Variants in EXOC4 observed in about 807,000 individuals in gnomAD.
EXOC4 encodes SEC8-like 1.
EXOC4 carries 71 observed loss-of-function variants against 107.2 expected under a neutral mutation model. The observed-to-expected ratio is 0.66, with a 90% CI of 0.55 to 0.81. The LOEUF (loss-of-function observed/expected upper bound fraction) is 0.81. Among genes scored for constraint, EXOC4 ranks in the 30% least tolerant of loss-of-function variants. The probability of loss-of-function intolerance (pLI) is 0.00; values close to 1 mark genes in which losing one functional copy is unlikely to be tolerated. For synonymous variants in EXOC4, 456 were observed against 441.2 expected, an observed-to-expected ratio of 1.03 and a Z score of -0.42; for missense variants, 1,108 against 1,189.6, an observed-to-expected ratio of 0.93 and a Z score of 1.01.
At chr7:133,901,795 C>T (rs913289330) in intron 12 of EXOC4, among the ~76,000 whole-genome samples, 9 of 152,134 alleles carry the variant, frequency 5.9e-5, no homozygotes, top group Non-Finnish European at 1.2e-4. Flanking sequence ...TCTTCCCAGC[C>T]TGATTCTTTT....
intron 12 of EXOC4, among the ~76,000 whole-genome samples, chr7:133,911,188 A>T (rs988169908): frequency 2.0e-5 from 3 of 152,144 alleles, no homozygotes; most frequent in Admixed American, 6.5e-5. Flanking sequence ...TGAGTACATT[A>T]TGGTTCTGGT....
intron 10 of EXOC4, among the ~76,000 whole-genome samples, chr7:133,755,684 C>T (rs1410927033): frequency 6.6e-6 from 1 of 152,012 alleles, no homozygotes; most frequent in Non-Finnish European, 1.5e-5. Flanking sequence ...ATAACAGTAA[C>T]ACCTAATTCC....
intron 12 of EXOC4, among the ~76,000 whole-genome samples, chr7:133,905,950 C>T (rs141894232): frequency 1.8e-4 from 27 of 152,116 alleles, no homozygotes; most frequent in South Asian, 4.2e-4. Context: ...CTGAACAGGA[C>T]GAGCAAGCAG....
chr7:133,292,800 A>G (rs1338301855), intron 3 of EXOC4, among the ~76,000 whole-genome samples: 1 of 152,190 alleles, frequency 6.6e-6, no homozygotes, highest in Non-Finnish European at 1.5e-5. Context: ...TTCCCAGCAT[A>G]GTGTAGCTCA....
At chr7:133,631,232 A>G (rs1359468255) in intron 10 of EXOC4, among the ~76,000 whole-genome samples, 2 of 152,116 alleles carry the variant, frequency 1.3e-5, no homozygotes, top group Non-Finnish European at 2.9e-5. Context: ...TCAGAATATC[A>G]CCTTACCTTT....
At chr7:133,321,859 A>G (rs1487205742) in intron 5 of EXOC4, among the ~76,000 whole-genome samples, 2 of 152,104 alleles carry the variant, frequency 1.3e-5, no homozygotes, top group Non-Finnish European at 2.9e-5. Flanking sequence ...AAGTGTTCCT[A>G]TTTCTCCACA....
At chr7:133,564,138 T>C (rs1424316473) in intron 9 of EXOC4, among the ~76,000 whole-genome samples, 1 of 152,166 alleles carries the variant, frequency 6.6e-6, no homozygotes, top group East Asian at 1.9e-4. Context: ...GTGTGATTTA[T>C]AAAGAAAAAG....
chr7:133,852,316 G>A lies in EXOC4; in HGVS notation c.1734+34772G>A, dbSNP rs529409891. On this transcript the variant is annotated intron_variant, in intron 11 of 17. Transcript: ENST00000253861. ...CTGCTCACCTCAACCTCTGCCTCCC[G>A]GGTTCAAGCCATTCTCCTGCCTCAG... is the stretch of plus-strand genomic sequence containing the variant. Among the ~76,000 whole-genome samples, 9 of 150,850 alleles carry A rather than the reference G, an allele frequency of 6.0e-5. No individual in the cohort carries two copies. In the East Asian group the frequency reaches 9.8e-4, roughly 16 times the overall value.
chr7:133,498,658 T>C (rs1480883769), intron 9 of EXOC4, among the ~76,000 whole-genome samples: 1 of 152,218 alleles, frequency 6.6e-6, no homozygotes, highest in Non-Finnish European at 1.5e-5. Context: ...CATCATCTCT[T>C]GGTTGTTCCT....
chr7:133,607,091 A>G (rs909836348), intron 9 of EXOC4, among the ~76,000 whole-genome samples: 3 of 152,152 alleles, frequency 2.0e-5, no homozygotes, highest in African/African-American at 7.2e-5. Context: ...CCTGGCTTCT[A>G]TGTGGTTTAC....
intron 5 of EXOC4, among the ~76,000 whole-genome samples, chr7:133,342,768 C>A (rs1304792065): frequency 2.0e-5 from 3 of 151,636 alleles, no homozygotes; most frequent in Non-Finnish European, 4.4e-5. Flanking sequence ...AAAGCCTTGT[C>A]TTTGAGCTCT....
chr7:133,621,965 GTC>G (rs1485256277), intron 9 of EXOC4, among the ~76,000 whole-genome samples: 1 of 152,080 alleles, frequency 6.6e-6, no homozygotes, highest in African/African-American at 2.4e-5. Context: ...CTGTCTGTCT[GTC>G]TGTCTGTCTG....
intron 11 of EXOC4, among the ~76,000 whole-genome samples, chr7:133,883,651 TAGA>T (rs1245694288): frequency 2.0e-5 from 3 of 151,988 alleles, no homozygotes; most frequent in African/African-American, 7.3e-5. Context: ...AAAATTAAGC[TAGA>T]GCTGCAATAA....
At chr7:133,526,328 C>G (rs1460767596) in intron 9 of EXOC4, among the ~76,000 whole-genome samples, 1 of 152,050 alleles carries the variant, frequency 6.6e-6, no homozygotes, top group East Asian at 1.9e-4. Context: ...ATGACTCTTT[C>G]TTTATTCAAG....
intron 11 of EXOC4, among the ~76,000 whole-genome samples, chr7:133,881,227 C>T (rs1172964841): frequency 6.6e-6 from 1 of 152,044 alleles, no homozygotes; most frequent in African/African-American, 2.4e-5. Flanking sequence ...CTTCTGACTG[C>T]CTCACTGAGC....
chr7:133,489,958 T>C lies in EXOC4; in HGVS notation c.1417+9820T>C, dbSNP rs1157739450. Among the ~76,000 whole-genome samples, 5 of 152,316 alleles carry C rather than the reference T, an allele frequency of 3.3e-5. No homozygotes were observed. The South Asian group carries it at 6.2e-4, about 19-fold the overall frequency. Reference sequence around the variant, plus strand: ...GGACGTGTAATTTAATTCTGGCTAATAGGATGTGATTGAAAGTAATGTGTG... The same window carrying C: ...GGACGTGTAATTTAATTCTGGCTAACAGGATGTGATTGAAAGTAATGTGTG... On this transcript the variant is annotated intron_variant, in intron 9 of 17. Coordinates refer to ENST00000253861, the MANE Select transcript of EXOC4 (RefSeq NM_021807.4).
At chr7:133,298,589 G>T (rs1401748248) in intron 3 of EXOC4, among the ~76,000 whole-genome samples, 2 of 151,780 alleles carry the variant, frequency 1.3e-5, no homozygotes, top group African/African-American at 4.8e-5. Context: ...AACAAAAGAG[G>T]TTTTTTTTCT....
chr7:133,537,852 A>G (rs963701449), intron 9 of EXOC4, among the ~76,000 whole-genome samples: 1 of 152,228 alleles, frequency 6.6e-6, no homozygotes, highest in Non-Finnish European at 1.5e-5. Context: ...TGAAAGAACA[A>G]CTAACCAAAC....
intron 14 of EXOC4, among the ~76,000 whole-genome samples, chr7:133,978,944 AACAG>A (rs1168592393): frequency 2.0e-5 from 3 of 152,228 alleles, no homozygotes; most frequent in Admixed American, 6.5e-5. Flanking sequence ...CTGAGTTGAC[AACAG>A]ACAAAGCACA....
Sources: allele counts gnomAD v4.1 joint callset (sites outside exome capture counted in the v4.1 genomes callset), GRCh38; gene constraint gnomAD v4.1.1; transcripts MANE v1.5; gene names NCBI Gene and HGNC (gene_info 2026-07-23, HGNC 2026-07-21).